ADGRG7: variants seen among roughly 807,000 people sequenced by gnomAD.
ADGRG7 encodes the protein G-protein coupled receptor 128.
A neutral mutation model predicts 88.6 loss-of-function variants in ADGRG7; 82 were observed. The ratio of observed to expected loss-of-function variants is 0.93; its 90% CI spans 0.77 to 1.11. The LOEUF is 1.11. ADGRG7 is among the 50% of genes most tolerant of loss of function. The probability of loss-of-function intolerance (pLI) is 0.00; values close to 1 mark genes in which losing one functional copy is unlikely to be tolerated. For missense variants in ADGRG7, 945 were observed against 953.4 expected (o/e 0.99, Z 0.12); for synonymous variants, 381 against 345.2 (o/e 1.10, Z -1.15).
intron 13 of ADGRG7, among the ~76,000 whole-genome samples, 161 bp downstream of exon 13, chr3:100,656,156 G>A (rs1440160103): frequency 1.3e-5 from 2 of 152,182 alleles, no homozygotes; most frequent in Non-Finnish European, 2.9e-5. Flanking sequence ...TATTTTAAAT[G>A]TGATGACATG....
chr3:100,687,668 C>T (rs1186700770), intron 15 of ADGRG7, among the ~76,000 whole-genome samples: 1 of 152,096 alleles, frequency 6.6e-6, no homozygotes, highest in Non-Finnish European at 1.5e-5. Context: ...TGTTTATATG[C>T]TGGATTATGT....
intron 1 of ADGRG7, among the ~76,000 whole-genome samples, chr3:100,625,622 G>C (rs966001886): frequency 2.0e-4 from 30 of 151,060 alleles, no homozygotes; most frequent in African/African-American, 5.8e-4. Context: ...CAAAGGAAAT[G>C]CTGCCCATTT....
At chr3:100,633,826 G>A (rs1160970510) in intron 4 of ADGRG7, among the ~76,000 whole-genome samples, 1 of 152,114 alleles carries the variant, frequency 6.6e-6, no homozygotes, top group Non-Finnish European at 1.5e-5. Context: ...ACCACACCTG[G>A]CCGCCACTCT....
intron 1 of ADGRG7, among the ~76,000 whole-genome samples, chr3:100,623,722 C>A (rs1707343612): frequency 6.6e-6 from 1 of 151,996 alleles, no homozygotes; most frequent in Non-Finnish European, 1.5e-5. Flanking sequence ...CCCAACAGGC[C>A]CCGGTGTGTG....
At position 100,633,289 on chromosome 3, in the gene ADGRG7, T is replaced by C; in HGVS notation, c.359T>C (p.Leu120Ser). 1 of 1,512,796 alleles carries C rather than the reference T, an allele frequency of 6.6e-7. No individual in the cohort carries two copies. The highest frequency in any genetic ancestry group is 8.9e-7 in the Non-Finnish European group (1 of 1,128,246). The allele number at this position is 1,512,796 out of a possible 1,614,324, so 93.7% of individuals were successfully genotyped here. A position where few individuals can be genotyped will look rare whatever the true frequency, so the allele number is the denominator to read the frequency against. ...GCGGGCAATCCAATGGCAGTCCGGT[T>C]GTGCAGTCTCTCTCTATATGGAGAG... ...PNAGNPMAVR[L>S]CSLSLYGEIE... Residue 120 changes from leucine (L) to serine (S), a missense_variant, in exon 4 of 16, where the codon TTG (leucine) becomes TCG (serine). Transcript: ENST00000273352.
chr3:100,655,471 A>C (rs1220469954), intron 12 of ADGRG7, among the ~76,000 whole-genome samples: 1 of 152,220 alleles, frequency 6.6e-6, no homozygotes, highest in Non-Finnish European at 1.5e-5. Flanking sequence ...TTAGCCACAA[A>C]TAATTAACTT....
chr3:100,635,273 T>C (rs1345569714), intron 4 of ADGRG7, among the ~76,000 whole-genome samples: 2 of 152,190 alleles, frequency 1.3e-5, no homozygotes, highest in African/African-American at 4.8e-5. Flanking sequence ...AAAATATGTA[T>C]AAAATACAAA....
At position 100,669,060 on chromosome 3, in the gene ADGRG7, C is replaced by T; in HGVS notation, c.2091C>T (p.Ile697=). 1.9e-6 allele frequency: 3 copies of T among 1,601,654 alleles called. No homozygotes were observed. Among genetic ancestry groups the T allele is most frequent in the Non-Finnish European group, 2.6e-6 (3 of 1,174,812 alleles). Residue 697 remains isoleucine (I), a synonymous_variant, in exon 15 of 16, where the codon ATC becomes ATT. Transcript: ENST00000273352. ...TGATGCTAGTTAATGATGATAGCAT[C>T]AGGATCGTCTTCAGCTACATATTCT... is the stretch of plus-strand genomic sequence containing the variant. ...AYLMLVNDDS[I]RIVFSYIFCL...
intron 14 of ADGRG7, among the ~76,000 whole-genome samples, chr3:100,660,952 C>CA (rs112296437): frequency 0.025 from 2,424 of 96,748 alleles, 31 homozygotes; most frequent in African/African-American, 0.047. Context: ...AACTCCATCT[C>CA]AAAAAAAAAA....
chr3:100,670,892 C>T (rs1416139369), intron 15 of ADGRG7, among the ~76,000 whole-genome samples: 1 of 152,188 alleles, frequency 6.6e-6, no homozygotes, highest in Non-Finnish European at 1.5e-5. Context: ...GACATGAACT[C>T]ATCCTTTTTA....
intron 14 of ADGRG7, among the ~76,000 whole-genome samples, chr3:100,668,049 C>T (rs2094953992): frequency 6.6e-6 from 1 of 152,190 alleles, no homozygotes; most frequent in Non-Finnish European, 1.5e-5. Flanking sequence ...AATTCCCCAA[C>T]CCCTTGTGCT....
At position 100,635,112 on chromosome 3, in the gene ADGRG7, G is replaced by A. The variant is rs191185697; in HGVS notation, c.448-565G>A. ...GCATGTTTTAGCCTCACAACACAGAGCCCTGGGGCTAACTGGCACCTAGAG... is the reference window on the plus strand; with the variant it reads ...GCATGTTTTAGCCTCACAACACAGAACCCTGGGGCTAACTGGCACCTAGAG... On this transcript the variant is annotated intron_variant, in intron 4 of 15. Coordinates refer to ENST00000273352, the MANE Select transcript of ADGRG7 (RefSeq NM_032787.3). Among the ~76,000 whole-genome samples, 87 of 152,022 alleles carry A rather than the reference G, an allele frequency of 5.7e-4. No homozygotes were observed. In the Middle Eastern group the frequency reaches 0.017, roughly 30 times the overall value.
chr3:100,641,904 C>T (rs1343746488), intron 6 of ADGRG7, among the ~76,000 whole-genome samples: 1 of 152,152 alleles, frequency 6.6e-6, no homozygotes, highest in East Asian at 1.9e-4. Flanking sequence ...CAAAAAAAAC[C>T]CCGTTTCCAA....
chr3:100,670,386 T>A (rs551486113), intron 15 of ADGRG7, among the ~76,000 whole-genome samples: 7 of 152,356 alleles, frequency 4.6e-5, no homozygotes, highest in African/African-American at 1.7e-4. Flanking sequence ...GTATATGTAC[T>A]GCATTATCTT....
intron 1 of ADGRG7, among the ~76,000 whole-genome samples, chr3:100,626,012 T>A (rs1333877689): frequency 6.6e-6 from 1 of 152,246 alleles, no homozygotes; most frequent in East Asian, 1.9e-4. Context: ...ATCAGGATGA[T>A]GCTGGCTTCA....
intron 10 of ADGRG7, among the ~76,000 whole-genome samples, chr3:100,648,229 A>G (rs889630440): frequency 2.6e-5 from 4 of 152,178 alleles, no homozygotes; most frequent in African/African-American, 9.6e-5. Flanking sequence ...TCTCATTAGT[A>G]TCTGACTGTC....
chr3:100,630,544 C>A (rs1707445892), intron 2 of ADGRG7, among the ~76,000 whole-genome samples, 161 bp from the exon 3 acceptor site: 1 of 152,178 alleles, frequency 6.6e-6, no homozygotes, highest in Non-Finnish European at 1.5e-5. Flanking sequence ...AATGACTTAA[C>A]CAGATAGCAA....
chr3:100,671,330 G>C (rs993078773), intron 15 of ADGRG7, among the ~76,000 whole-genome samples: 1 of 152,136 alleles, frequency 6.6e-6, no homozygotes, highest in South Asian at 2.1e-4. Context: ...AAATATGTTT[G>C]TTGGGTTCAT....
Position 100,609,774 on chromosome 3 carries a change from G to C in ADGRG7, c.-83G>C, listed in dbSNP as rs1005128572. 24 of 1,003,442 alleles carry C rather than the reference G, an allele frequency of 2.4e-5. No individual in the cohort carries two copies. The highest frequency in any genetic ancestry group is 3.6e-5 in the Non-Finnish European group (23 of 641,658). 62.2% of individuals were successfully genotyped at this position (1,003,442 alleles called of 1,614,324 possible). On this transcript the variant is annotated 5_prime_UTR_variant, in exon 1 of 16. Coordinates refer to ENST00000273352, the MANE Select transcript of ADGRG7 (RefSeq NM_032787.3). ...GGACTTGTTTTTCTGTTTTAGAATAGTTTCCGATTAAACTTTTTAGCTCAA... is the reference window on the plus strand; with the variant it reads ...GGACTTGTTTTTCTGTTTTAGAATACTTTCCGATTAAACTTTTTAGCTCAA...
Sources: gnomAD v4.1 joint callset for allele counts (sites outside exome capture counted in the v4.1 genomes callset) on GRCh38, gnomAD v4.1.1 for gene constraint, MANE v1.5 for transcripts, NCBI Gene and HGNC (gene_info 2026-07-23, HGNC 2026-07-21) for gene names.